Variants in IL22RA2 observed in about 807,000 individuals in gnomAD.
IL22RA2 encodes interleukin-22 receptor subunit alpha-2.
Under a neutral mutation model 30.7 loss-of-function variants are expected in IL22RA2, and 39 were observed. The observed-to-expected ratio is 1.27, with a 90% CI of 0.98 to 1.66. The LOEUF (loss-of-function observed/expected upper bound fraction) is 1.66, where lower values mean the gene tolerates loss of function less well. Ranked by LOEUF, IL22RA2 falls within the 40% of genes most tolerant of loss-of-function variation. The pLI, the probability that IL22RA2 is intolerant of heterozygous loss-of-function variation, is 0.00. For missense variants in IL22RA2, 315 were observed against 312.7 expected, an observed-to-expected ratio of 1.01 and a Z score of -0.05; for synonymous variants, 103 against 105.0, an observed-to-expected ratio of 0.98 and a Z score of 0.11.
chr6:137,165,723 A>T (rs1778613931), intron 1 of IL22RA2, among the ~76,000 whole-genome samples: 1 of 152,190 alleles, frequency 6.6e-6, no homozygotes. Flanking sequence ...TTTCCTCCAG[A>T]AATTGCAAGC....
rs777688236 is a variant in IL22RA2 at position 137,148,494 on chromosome 6, C to T, written c.473-603G>A. Among the ~76,000 whole-genome samples, 77 of 152,166 alleles carry T rather than the reference C, an allele frequency of 5.1e-4. 1 individual carries two copies. Among genetic ancestry groups the T allele is most frequent in the Non-Finnish European group, 1.3e-4 (9 of 68,028 alleles). On this transcript the variant is annotated intron_variant, in intron 5 of 6. Transcript: ENST00000296980. Reference sequence around the variant, plus strand: ...ACCTTGTCTTTTGTCCTGGGAGTGGCTGTTACCACTTAGGGTCTAGTTACC... The same window carrying T: ...ACCTTGTCTTTTGTCCTGGGAGTGGTTGTTACCACTTAGGGTCTAGTTACC...
At position 137,145,291 on chromosome 6, in the gene IL22RA2, G is replaced by A. The variant is rs1778154178; in HGVS notation, c.*333C>T. 1 of 177,158 alleles carries A rather than the reference G, an allele frequency of 5.6e-6. No individual in the cohort carries two copies. Among genetic ancestry groups the A allele is most frequent in the Non-Finnish European group, 1.2e-5 (1 of 85,504 alleles). The allele number at this position is 177,158 out of a possible 1,614,324, so 11.0% of individuals were successfully genotyped here. ...ACATTTTCTTAAATACTATTCCTTGGTTGTTAAATTTTTATTTTGCTGTAT... is the reference window on the plus strand; with the variant it reads ...ACATTTTCTTAAATACTATTCCTTGATTGTTAAATTTTTATTTTGCTGTAT... On this transcript the variant is annotated 3_prime_UTR_variant, in exon 7 of 7. Transcript: ENST00000296980.
intron 1 of IL22RA2, among the ~76,000 whole-genome samples, chr6:137,165,081 C>T (rs1778602032): frequency 6.6e-6 from 1 of 152,218 alleles, no homozygotes; most frequent in Non-Finnish European, 1.5e-5. Flanking sequence ...GTATACACAA[C>T]AAGCACTCCT....
chr6:137,146,995 CA>C (rs5880333), intron 6 of IL22RA2, among the ~76,000 whole-genome samples: 13 of 143,374 alleles, frequency 9.1e-5, no homozygotes, highest in South Asian at 2.2e-4. Flanking sequence ...GACCCTGTCT[CA>C]AAAAAAAAAT....
At chr6:137,154,170 C>A (rs764241463) in intron 5 of IL22RA2, among the ~76,000 whole-genome samples, 9 of 152,214 alleles carry the variant, frequency 5.9e-5, no homozygotes, top group Non-Finnish European at 1.2e-4. Context: ...AGGATGGATA[C>A]TGAGAAAGCA....
At chr6:137,156,938 A>G in intron 3 of IL22RA2, 84 bp from the exon 4 acceptor site, 1 of 1,542,432 alleles carries the variant, frequency 6.5e-7, no homozygotes, top group Non-Finnish European at 8.9e-7. Context: ...CCACTCTCAT[A>G]GAAACATTTC....
In IL22RA2 at chr6:137,145,553, T is replaced by A. The variant is rs1264916734; in HGVS notation, c.*71A>T. On this transcript the variant is annotated 3_prime_UTR_variant, in exon 7 of 7. Transcript: ENST00000296980. ...ACAAAAACAATTTTAAATAAGATCC[T>A]TCAAACACGAGTCATCCTGTTCTCA... is the stretch of plus-strand genomic sequence containing the variant. 7.1e-7 allele frequency: 1 copy of A among 1,409,492 alleles called. No individual in the cohort carries two copies. The highest frequency in any genetic ancestry group is 9.6e-7 in the Non-Finnish European group (1 of 1,036,270). The allele number at this position is 1,409,492 out of a possible 1,614,324, so 87.3% of individuals were successfully genotyped here. A position where few individuals can be genotyped will look rare whatever the true frequency, so the allele number is the denominator to read the frequency against.
chr6:137,171,278 G>C (rs1778729666), intron 1 of IL22RA2, among the ~76,000 whole-genome samples: 1 of 152,208 alleles, frequency 6.6e-6, no homozygotes, highest in Non-Finnish European at 1.5e-5. Context: ...TAGAGAATAA[G>C]GAGCTACAGC....
intron 3 of IL22RA2, among the ~76,000 whole-genome samples, chr6:137,157,392 A>G (rs2114372010): frequency 6.6e-6 from 1 of 152,254 alleles, no homozygotes; most frequent in East Asian, 1.9e-4. Flanking sequence ...CCTTCATTGT[A>G]AAGATTTGTA....
In IL22RA2 at chr6:137,171,560, T is replaced by G. The variant is rs7760843; in HGVS notation, c.-66+1853A>C. ...CATACAGACAGGAGCAGAGGAGTTG[T>G]TCTCAAGTGTAGACCCTCCATCCCA... On this transcript the variant is annotated intron_variant, in intron 1 of 6. Transcript: ENST00000296980. Among the ~76,000 whole-genome samples the G allele has an allele frequency of 1.6e-3, 241 of 152,234 alleles. 1 individual carries two copies. The highest frequency in any genetic ancestry group is 5.3e-3 in the African/African-American group (221 of 41,542).
At chr6:137,158,112 T>C (rs1778446872) in intron 3 of IL22RA2, among the ~76,000 whole-genome samples, 1 of 152,180 alleles carries the variant, frequency 6.6e-6, no homozygotes, top group African/African-American at 2.4e-5. Context: ...GCTGAGCCTG[T>C]GAGGTCTTGG....
chr6:137,151,369 T>A (rs1439720626), intron 5 of IL22RA2, among the ~76,000 whole-genome samples: 1 of 152,204 alleles, frequency 6.6e-6, no homozygotes, highest in Non-Finnish European at 1.5e-5. Context: ...TGTCAAAGAA[T>A]AATATTGGAC....
At chr6:137,164,584 G>C (rs1778589754) in intron 1 of IL22RA2, among the ~76,000 whole-genome samples, 2 of 152,244 alleles carry the variant, frequency 1.3e-5, no homozygotes, top group South Asian at 4.1e-4. Flanking sequence ...GCAAAGCTTA[G>C]ACAGAAGGCT....
At chr6:137,169,788 A>G (rs1250069160) in intron 1 of IL22RA2, among the ~76,000 whole-genome samples, 2 of 152,222 alleles carry the variant, frequency 1.3e-5, no homozygotes, top group African/African-American at 4.8e-5. Flanking sequence ...CATTTATCAG[A>G]ACAGGTTAGT....
chr6:137,164,293 G>C (rs915425910), intron 1 of IL22RA2, among the ~76,000 whole-genome samples: 1 of 152,098 alleles, frequency 6.6e-6, no homozygotes, highest in Non-Finnish European at 1.5e-5. Context: ...CGAGTGTTTC[G>C]GGTGGTCACC....
chr6:137,152,369 T>C (rs1778308408), intron 5 of IL22RA2, among the ~76,000 whole-genome samples: 1 of 152,236 alleles, frequency 6.6e-6, no homozygotes, highest in South Asian at 2.1e-4. Flanking sequence ...TATATCCATA[T>C]AATGTATTAT....
In IL22RA2 at chr6:137,156,764, C is replaced by T. The variant is rs538961895; in HGVS notation, c.288G>A (p.Leu96=). The part of the protein sequence containing the change: ...ISCNFPGCRT[L]AKYGQRQWKN... ...GATAAGGAAAAGAGGTGTACTTAGC[C>T]AATGTTCTGCAGCCTGGGAAGTTAC... The change falls in exon 4 of 7, where the codon TTG becomes TTA. Residue 96 remains leucine (L), a synonymous_variant. Transcript: ENST00000296980. 5.6e-6 allele frequency: 9 copies of T among 1,613,590 alleles called. 1 individual carries two copies. The African/African-American group carries it at 9.3e-5, about 17-fold the overall frequency.
chr6:137,150,009 T>A (rs993075742), intron 5 of IL22RA2, among the ~76,000 whole-genome samples: 1 of 152,214 alleles, frequency 6.6e-6, no homozygotes, highest in African/African-American at 2.4e-5. Flanking sequence ...CAAGTAATTC[T>A]AGGGTCAAAT....
Position 137,145,683 on chromosome 6 carries a change from G to C in IL22RA2, c.733C>G (p.Gln245Glu). 9.3e-6 allele frequency: 15 copies of C among 1,613,550 alleles called. No homozygotes were observed. The highest frequency in any genetic ancestry group is 1.2e-5 in the Non-Finnish European group (14 of 1,179,694). Residue 245 changes from glutamine (Q) to glutamate (E), a missense_variant, in exon 7 of 7, where the codon CAG becomes GAG. Transcript: ENST00000296980. ...TGACTTCTTCTGTCTAACATGGGCTGATATATTTCAGCCACTACACAGTAG... is the reference window on the plus strand; with the variant it reads ...TGACTTCTTCTGTCTAACATGGGCTCATATATTTCAGCCACTACACAGTAG... ...SSYCVVAEIY[Q>E]PMLDRRSQRS...
Sources: allele counts gnomAD v4.1 joint callset (sites outside exome capture counted in the v4.1 genomes callset), GRCh38; gene constraint gnomAD v4.1.1; transcripts MANE v1.5; gene names NCBI Gene and HGNC (gene_info 2026-07-23, HGNC 2026-07-21).